Variants in CEP170 observed in about 807,000 individuals in gnomAD.
The protein encoded by CEP170 is centrosomal protein of 170 kDa.
A neutral mutation model predicts 151.9 loss-of-function variants in CEP170; 21 were observed. The ratio of observed to expected loss-of-function variants is 0.14; its 90% CI spans 0.10 to 0.20. The LOEUF is 0.20. Among genes scored for constraint, CEP170 ranks in the 10% least tolerant of loss-of-function variants. The pLI, the probability that CEP170 is intolerant of heterozygous loss-of-function variation, is 1.00. For synonymous variants in CEP170, 356 were observed against 648.8 expected, an observed-to-expected ratio of 0.55 and a Z score of 6.86; for missense variants, 964 against 1,892.9, an observed-to-expected ratio of 0.51 and a Z score of 9.11.
At chr1:243,186,822 G>A (rs2059966444) in intron 8 of CEP170, among the ~76,000 whole-genome samples, 2 of 152,116 alleles carry the variant, frequency 1.3e-5, no homozygotes, top group South Asian at 4.2e-4. Context: ...AAAAAGACAA[G>A]AAAAAGGGTA....
chr1:243,216,504 C>G (rs1230569282), intron 3 of CEP170, among the ~76,000 whole-genome samples: 2 of 151,982 alleles, frequency 1.3e-5, no homozygotes, highest in African/African-American at 4.8e-5. Context: ...TTGAGATGGC[C>G]ATGATAGCTT....
At chr1:243,166,763 C>T (rs1461829395) in intron 12 of CEP170, among the ~76,000 whole-genome samples, 2 of 151,790 alleles carry the variant, frequency 1.3e-5, no homozygotes, top group African/African-American at 4.8e-5. Context: ...TATGAATTGA[C>T]AAAAATTATA....
chr1:243,149,461 ACT>A (rs1297147582), intron 14 of CEP170, among the ~76,000 whole-genome samples: 2 of 152,032 alleles, frequency 1.3e-5, no homozygotes, highest in African/African-American at 2.4e-5. Context: ...CTGAAGAATC[ACT>A]GTCATCTGAA....
At chr1:243,222,391 T>C (rs113907995) in intron 2 of CEP170, among the ~76,000 whole-genome samples, 5,040 of 152,318 alleles carry the variant, frequency 0.033, 110 homozygotes, top group Middle Eastern at 0.092. Context: ...TGGCAAACTG[T>C]GGTTTTTGAA....
At chr1:243,246,908 G>A (rs78053826) in intron 1 of CEP170, among the ~76,000 whole-genome samples, 1 of 151,788 alleles carries the variant, frequency 6.6e-6, no homozygotes, top group African/African-American at 2.4e-5. Flanking sequence ...AGATACCTAT[G>A]TATTGTGAAG....
chr1:243,235,827 G>C (rs2064197726), intron 1 of CEP170, among the ~76,000 whole-genome samples: 2 of 152,068 alleles, frequency 1.3e-5, no homozygotes, highest in Admixed American at 6.6e-5. Context: ...TTTAATTAAA[G>C]ATTTCTTCAT....
chr1:243,175,921 C>T (rs1328490736), intron 10 of CEP170, among the ~76,000 whole-genome samples: 11 of 152,080 alleles, frequency 7.2e-5, no homozygotes, highest in South Asian at 4.1e-4. Context: ...CTCAGCCTCC[C>T]GAGTAGCTGG....
At chr1:243,234,941 A>G (rs1171698046) in intron 1 of CEP170, among the ~76,000 whole-genome samples, 1 of 152,212 alleles carries the variant, frequency 6.6e-6, no homozygotes, top group Non-Finnish European at 1.5e-5. Flanking sequence ...ATAGGTGTGT[A>G]TATAGACATA....
intron 1 of CEP170, among the ~76,000 whole-genome samples, chr1:243,226,755 C>T (rs1029963964): frequency 1.3e-5 from 2 of 152,054 alleles, no homozygotes; most frequent in East Asian, 1.9e-4. Flanking sequence ...TTTGGGAGGC[C>T]GAGGCGGGCA....
In CEP170 at chr1:243,211,947, T is replaced by C; in HGVS notation, c.213A>G (p.Val71=). ...GSLNGTFVND[V]RIPEQTYITL... is the part of the protein sequence containing the mutation. The stretch of plus-strand genomic sequence containing the variant: ...TGATATAAGTCTGTTCCGGAATCCT[T>C]ACATCATTCACAAAAGTCTACAAGG... The change falls in exon 4 of 20, where the codon GTA becomes GTG. Residue 71 remains valine, a synonymous_variant. Transcript: ENST00000366542. 2.6e-6 allele frequency: 4 copies of C among 1,536,966 alleles called. No individual in the cohort carries two copies.
intron 4 of CEP170, among the ~76,000 whole-genome samples, chr1:243,210,817 G>A (rs1437571639): frequency 3.3e-5 from 5 of 151,488 alleles, no homozygotes. Context: ...TAGAGACGGG[G>A]TTTCACCACA....
intron 2 of CEP170, among the ~76,000 whole-genome samples, chr1:243,223,706 T>C (rs1158854531): frequency 1.3e-5 from 2 of 152,228 alleles, no homozygotes. Flanking sequence ...GGGCCTGTTA[T>C]GTGGGATCAC....
At position 243,164,721 on chromosome 1, in the gene CEP170, G is replaced by T; in HGVS notation, c.3239C>A (p.Pro1080Gln). Residue 1080 changes from proline (P) to glutamine (Q), a missense_variant, in exon 13 of 20, where the codon CCG (proline) becomes CAG (glutamine). Physicochemically the swap from Pro to Gln is moderately conservative, Grantham distance 76. Transcript: ENST00000366542. ...TTTACTAGATGAACCAGATACCACC[G>T]GAGAAGTCTTAGATTTCGTTACTTT... ...GSKVTKSKTS[P>Q]VVSGSSSKST... 6.2e-7 allele frequency: 1 copy of T among 1,613,464 alleles called. No homozygotes were observed. Among genetic ancestry groups the T allele is most frequent in the Non-Finnish European group, 8.5e-7 (1 of 1,179,598 alleles).
At chr1:243,239,919 AG>A (rs57622056) in intron 1 of CEP170, among the ~76,000 whole-genome samples, 6,658 of 152,286 alleles carry the variant, frequency 0.044, 278 homozygotes, top group African/African-American at 0.12. Context: ...AAATATTAAT[AG>A]GTAATAGTGG....
At chr1:243,186,645 G>T in intron 8 of CEP170, 2 of 500,594 alleles carry the variant, frequency 4.0e-6, no homozygotes, top group South Asian at 3.8e-5. Context: ...GAATAGGATC[G>T]CCTTTCTCCA....
chr1:243,160,146 T>C (rs1203981271), intron 13 of CEP170, among the ~76,000 whole-genome samples: 1 of 152,216 alleles, frequency 6.6e-6, no homozygotes, highest in South Asian at 2.1e-4. Flanking sequence ...TTCTGATATC[T>C]ACCTGTGTTG....
chr1:243,212,053 A>G (rs1323011596), intron 3 of CEP170, 89 bp from the exon 4 acceptor site: 1 of 1,232,914 alleles, frequency 8.1e-7, no homozygotes, highest in South Asian at 1.9e-5. Flanking sequence ...CTGAGAGTTA[A>G]AAGCACATAT....
intron 14 of CEP170, among the ~76,000 whole-genome samples, chr1:243,154,900 A>G (rs1334293050): frequency 1.3e-5 from 2 of 152,186 alleles, no homozygotes; most frequent in Admixed American, 6.5e-5. Context: ...GGAGGCATCT[A>G]GACATACAGG....
At chr1:243,248,583 C>G (rs1159538659) in intron 1 of CEP170, among the ~76,000 whole-genome samples, 1 of 152,132 alleles carries the variant, frequency 6.6e-6, no homozygotes, top group Non-Finnish European at 1.5e-5. Context: ...TTAACATATC[C>G]AAAACATTTG....
Sources: gnomAD v4.1 joint callset for allele counts (sites outside exome capture counted in the v4.1 genomes callset) on GRCh38, gnomAD v4.1.1 for gene constraint, MANE v1.5 for transcripts, NCBI Gene and HGNC (gene_info 2026-07-23, HGNC 2026-07-21) for gene names.